PDE3A: variants seen among roughly 807,000 people sequenced by gnomAD.
PDE3A encodes phosphodiesterase 3A.
In PDE3A, 43 loss-of-function variants were observed where a neutral mutation model predicts 98.3. The observed-to-expected ratio is 0.44, with a 90% confidence interval of 0.34 to 0.56. The LOEUF (loss-of-function observed/expected upper bound fraction) is 0.56. Among genes scored for constraint, PDE3A ranks in the 20% least tolerant of loss-of-function variants. The probability of loss-of-function intolerance (pLI) is 0.01; values close to 1 mark genes in which losing one functional copy is unlikely to be tolerated. For missense variants in PDE3A, 1,427 were observed against 1,440.7 expected, an observed-to-expected ratio of 0.99 and a Z score of 0.15; for synonymous variants, 663 against 567.9, an observed-to-expected ratio of 1.17 and a Z score of -2.38.
rs1945745265 is a variant in PDE3A at position 20,680,330 on chromosome 12, G to T, written c.*59G>T. 1 of 1,567,474 alleles carries T rather than the reference G, an allele frequency of 6.4e-7. No individual in the cohort carries two copies. The highest frequency in any genetic ancestry group is 8.7e-7 in the Non-Finnish European group (1 of 1,146,794). On this transcript the variant is annotated 3_prime_UTR_variant, in exon 16 of 16. Transcript: ENST00000359062. ...TTGACTTGTCAAAGACTCTCTTCAA[G>T]CCAGCACAACATTTAGACACAACAC...
At chr12:20,601,240 T>C (rs1943584240) in intron 2 of PDE3A, among the ~76,000 whole-genome samples, 1 of 151,532 alleles carries the variant, frequency 6.6e-6, no homozygotes, top group South Asian at 2.1e-4. Flanking sequence ...TTTTGTTTGT[T>C]TGTTTGTTTG....
Position 20,681,636 on chromosome 12 carries a change from A to G in PDE3A, c.*1365A>G, listed in dbSNP as rs1472084475. ...GTTTGTTGGGGTAGCTTCCATCGGC[A>G]GTCTGGCCCATTGTCAGTCATGCTT... On this transcript the variant is annotated 3_prime_UTR_variant, in exon 16 of 16. Transcript: ENST00000359062. 2.6e-5 allele frequency: 4 copies of G among 152,184 alleles called. No homozygotes were observed. The highest frequency in any genetic ancestry group is 9.6e-5 in the African/African-American group (4 of 41,452). 9.4% of individuals were successfully genotyped at this position (152,184 alleles called of 1,614,324 possible).
At chr12:20,625,759 C>T (rs4499055) in intron 5 of PDE3A, among the ~76,000 whole-genome samples, 50,953 of 151,862 alleles carry the variant, frequency 0.34, 8,643 homozygotes, top group Admixed American at 0.39. Flanking sequence ...TTTCTCATGC[C>T]CTCAGGAACA....
At chr12:20,459,639 A>G (rs953550347) in intron 1 of PDE3A, among the ~76,000 whole-genome samples, 3 of 152,194 alleles carry the variant, frequency 2.0e-5, no homozygotes, top group Non-Finnish European at 2.9e-5. Flanking sequence ...ACATTCATAC[A>G]TATACATTCA....
At chr12:20,628,337 G>T (rs761682439) in intron 5 of PDE3A, among the ~76,000 whole-genome samples, 1 of 152,176 alleles carries the variant, frequency 6.6e-6, no homozygotes, top group Non-Finnish European at 1.5e-5. Context: ...AAGGTTTGTC[G>T]TTATCTTTGG....
At chr12:20,506,188 A>G (rs1346806153) in intron 1 of PDE3A, among the ~76,000 whole-genome samples, 1 of 151,726 alleles carries the variant, frequency 6.6e-6, no homozygotes, top group Non-Finnish European at 1.5e-5. Flanking sequence ...GTAAATGTTA[A>G]TGCTAAGTCA....
At position 20,644,891 on chromosome 12, in the gene PDE3A, C is replaced by CT. The variant is rs199535934; in HGVS notation, c.2252-1583dup. ...CTTCCCCCTCTTCCTCTTCTTCCTT[C>CT]TTTTTTTTTTTTTTTTGGATACAGT... On this transcript the variant is annotated intron_variant, in intron 10 of 15. Transcript: ENST00000359062. 6.4e-3 allele frequency among the ~76,000 whole-genome samples: 685 copies of CT among 106,516 alleles called. 10 individuals are homozygous for CT. The highest frequency in any genetic ancestry group is 0.024 in the African/African-American group (641 of 27,096). The allele number at this position is 106,516 out of a possible 152,430, so 69.9% of individuals were successfully genotyped here.
chr12:20,421,105 G>A (rs1308827595), intron 1 of PDE3A, among the ~76,000 whole-genome samples: 3 of 152,100 alleles, frequency 2.0e-5, no homozygotes, highest in Non-Finnish European at 2.9e-5. Context: ...TTGACAAATA[G>A]GATAGTTATA....
chr12:20,670,611 C>A (rs1050259331), intron 15 of PDE3A, among the ~76,000 whole-genome samples: 1 of 151,258 alleles, frequency 6.6e-6, no homozygotes, highest in South Asian at 2.1e-4. Flanking sequence ...GGGTACATAA[C>A]GAAATGAAGG....
chr12:20,481,571 C>T (rs1945626234), intron 1 of PDE3A, among the ~76,000 whole-genome samples: 1 of 151,870 alleles, frequency 6.6e-6, no homozygotes. Flanking sequence ...TTGTTAGCTA[C>T]ATATAGAGTA....
intron 1 of PDE3A, among the ~76,000 whole-genome samples, chr12:20,541,134 T>C (rs939901765): frequency 5.3e-5 from 7 of 131,058 alleles, no homozygotes; most frequent in Non-Finnish European, 1.1e-4. Flanking sequence ...TCTCCCTCTG[T>C]TATCCAGGCT....
rs767099881 is a variant in PDE3A, at chr12:20,369,795, G to T, written c.511G>T (p.Glu171Ter). The change falls in exon 1 of 16, where the codon GAA becomes TAA. Residue 171 changes from glutamate to a stop codon, truncating the protein, a stop_gained. Coordinates refer to ENST00000359062, the MANE Select transcript of PDE3A (RefSeq NM_000921.5). LOFTEE classifies it high-confidence loss of function. ...GCTGCTGGCCGCCTGCTGCGGGGGG[G>T]AAGCGCTCGTCCAGATTGGGCTGGG... ...VALLAACCGG[E>*]ALVQIGLGVG... 6 of 1,612,506 alleles carry T rather than the reference G, an allele frequency of 3.7e-6. No homozygotes were observed. The highest frequency in any genetic ancestry group is 5.1e-6 in the Non-Finnish European group (6 of 1,179,690).
chr12:20,408,936 G>C, intron 1 of PDE3A, among the ~76,000 whole-genome samples: 1 of 152,186 alleles, frequency 6.6e-6, no homozygotes, highest in Non-Finnish European at 1.5e-5. Flanking sequence ...AGCTCTAAAA[G>C]AGTGGCTTGT....
chr12:20,384,842 C>A (rs1026194721), intron 1 of PDE3A, among the ~76,000 whole-genome samples: 1 of 152,080 alleles, frequency 6.6e-6, no homozygotes, highest in Admixed American at 6.6e-5. Flanking sequence ...CCATCCGTGT[C>A]CCTGCAAAGG....
intron 1 of PDE3A, among the ~76,000 whole-genome samples, chr12:20,452,027 G>A (rs190887700): frequency 6.6e-6 from 1 of 152,218 alleles, no homozygotes; most frequent in African/African-American, 2.4e-5. Context: ...TGACCAAAAT[G>A]CTCTGCTCCG....
At chr12:20,400,722 T>C (rs1186207693) in intron 1 of PDE3A, among the ~76,000 whole-genome samples, 1 of 152,176 alleles carries the variant, frequency 6.6e-6, no homozygotes, top group Non-Finnish European at 1.5e-5. Context: ...CCGGTCAACA[T>C]TGTTAATATT....
Position 20,369,256 on chromosome 12 carries a change from G to A in PDE3A, c.-29G>A, listed in dbSNP as rs1201490397. 6.9e-7 allele frequency: 1 copy of A among 1,455,606 alleles called. No homozygotes were observed. The highest frequency in any genetic ancestry group is 2.5e-5 in the East Asian group (1 of 39,538). The allele number at this position is 1,455,606 out of a possible 1,614,324, so 90.2% of individuals were successfully genotyped here. On this transcript the variant is annotated 5_prime_UTR_variant, in exon 1 of 16. Coordinates refer to ENST00000359062, the MANE Select transcript of PDE3A (RefSeq NM_000921.5). ...GGGCGGGGGCGTCGGGGGGCCACTG[G>A]GAATTCAGTGAAGAGGGCACCCTAT...
At position 20,477,748 on chromosome 12, in the gene PDE3A, T is replaced by A. The variant is rs572161840; in HGVS notation, c.961-78912T>A. Among the ~76,000 whole-genome samples, 117 of 152,320 alleles carry A rather than the reference T, an allele frequency of 7.7e-4. No individual in the cohort carries two copies. The Middle Eastern group carries it at 0.024, about 31-fold the overall frequency. ...ATTTCTTTTTCTCTGTCATCCAGTA[T>A]GTTAGCCTTGAGAGTGAGACCCTTA... On this transcript the variant is annotated intron_variant, in intron 1 of 15. Transcript: ENST00000359062.
intron 15 of PDE3A, among the ~76,000 whole-genome samples, chr12:20,658,941 G>C (rs192517297): frequency 6.6e-5 from 10 of 152,230 alleles, no homozygotes; most frequent in African/African-American, 2.2e-4. Context: ...GTGTCAAACT[G>C]AGAGAAATGG....
Sources: allele counts gnomAD v4.1 joint callset (sites outside exome capture counted in the v4.1 genomes callset), GRCh38; gene constraint gnomAD v4.1.1; transcripts MANE v1.5; gene names NCBI Gene and HGNC (gene_info 2026-07-23, HGNC 2026-07-21).